Variants in RHBG observed in about 807,000 individuals in gnomAD.
RHBG encodes ammonium transporter Rh type B.
Under a neutral mutation model 40.1 loss-of-function variants are expected in RHBG, and 39 were observed. That is an observed-to-expected ratio of 0.97 (90% CI 0.75 to 1.27). The LOEUF (loss-of-function observed/expected upper bound fraction) is 1.27. Among genes scored for constraint, RHBG ranks in the 50% most tolerant of loss-of-function variants. The pLI is 0.00. For missense variants in RHBG, 549 were observed against 588.1 expected, an observed-to-expected ratio of 0.93 and a Z score of 0.69; for synonymous variants, 237 against 252.5, an observed-to-expected ratio of 0.94 and a Z score of 0.58.
Position 156,377,316 on chromosome 1 carries a change from A to G in RHBG, c.203A>G (p.His68Arg), listed in dbSNP as rs1477580233. The G allele has an allele frequency of 8.7e-6, 14 of 1,613,942 alleles. No homozygotes were observed. Among genetic ancestry groups the G allele is most frequent in the Non-Finnish European group, 1.2e-5 (14 of 1,179,916 alleles). Residue 68 changes from histidine (H) to arginine (R), a missense_variant, in exon 2 of 10, where the codon CAT (histidine) becomes CGT (arginine). Around this residue, in one of 3 missense-constraint regions of RHBG, gnomAD observed 51 missense variants for 85.9 expected, o/e 0.59. Transcript: ENST00000537040. The surrounding 1 kb of genome is among the most constrained non-coding windows in gnomAD (Gnocchi z 4.6). ...YFRYPSFQDV[H>R]AMVFVGFGFL... ...CCCGCTGCAGGCTTCCAGGACGTGC[A>G]TGCCATGGTCTTCGTGGGCTTTGGC...
intron 4 of RHBG, among the ~76,000 whole-genome samples, chr1:156,380,498 G>A (rs112479217): frequency 0.15 from 23,360 of 151,624 alleles, 1,850 homozygotes; most frequent in East Asian, 0.19. Context: ...TGAGGTGGGC[G>A]GATCACCTAA....
At chr1:156,376,734 A>T (rs1667231017) in intron 1 of RHBG, among the ~76,000 whole-genome samples, 1 of 152,196 alleles carries the variant, frequency 6.6e-6, no homozygotes, top group African/African-American at 2.4e-5. Flanking sequence ...TTAGGAGGCC[A>T]AAGTGGGAGG....
intron 5 of RHBG, 23 bp from the exon 6 acceptor site, chr1:156,381,783 C>T (rs1667655846): frequency 1.9e-6 from 3 of 1,572,872 alleles, no homozygotes; most frequent in Non-Finnish European, 2.6e-6. Context: ...GAAAGGGCCT[C>T]CAACACCTTG....
chr1:156,381,320 C>T (rs374281561), intron 4 of RHBG, 27 bp from the exon 5 acceptor site: 2 of 1,612,882 alleles, frequency 1.2e-6, no homozygotes, highest in Non-Finnish European at 1.7e-6. Flanking sequence ...TCCTTCTTCT[C>T]ACTCTGCCTG....
chr1:156,371,237 GC>G (rs1406132698), intron 1 of RHBG: 25 of 376,066 alleles, frequency 6.6e-5, no homozygotes, highest in Non-Finnish European at 1.1e-4. Context: ...TCGGCTCACT[GC>G]AACCTTCACC....
chr1:156,381,197 C>T (rs1557804193), intron 4 of RHBG, 150 bp from the exon 5 acceptor site: 4 of 832,402 alleles, frequency 4.8e-6, no homozygotes, highest in East Asian at 2.7e-5. Context: ...CCACCGTGCC[C>T]AGCCCAAGGT....
At chr1:156,384,312 G>A in intron 8 of RHBG, 1 of 638,498 alleles carries the variant, frequency 1.6e-6, no homozygotes, top group South Asian at 1.8e-5. Flanking sequence ...GCCTTGCAGG[G>A]TTGTTGTGAT....
intron 4 of RHBG, among the ~76,000 whole-genome samples, chr1:156,380,502 C>T (rs1237000249): frequency 6.6e-6 from 1 of 151,826 alleles, no homozygotes; most frequent in Admixed American, 6.6e-5. Flanking sequence ...GTGGGCGGAT[C>T]ACCTAAGGTC....
At position 156,382,761 on chromosome 1, in the gene RHBG, T is replaced by C. The variant is rs768276483; in HGVS notation, c.1126T>C (p.Phe376Leu). The C allele has an allele frequency of 6.2e-7, 1 of 1,614,198 alleles. No homozygotes were observed. The highest frequency in any genetic ancestry group is 1.3e-5 in the African/African-American group (1 of 75,056). Residue 376 changes from phenylalanine (F) to leucine (L), a missense_variant, in exon 8 of 10, where the codon TTT (phenylalanine) becomes CTT (leucine). Around this residue, in one of 3 missense-constraint regions of RHBG, gnomAD observed 399 missense variants for 417.0 expected, o/e 0.96. Coordinates refer to ENST00000537040, the MANE Select transcript of RHBG (RefSeq NM_020407.5). ...EAYGDGLESV[F>L]PLIAEGQRSA... The stretch of plus-strand genomic sequence containing the variant: ...GTCTCCCTGCAGCCTGGAGAGTGTG[T>C]TTCCACTCATAGCCGAGGGCCAGCG...
At position 156,377,330 on chromosome 1, in the gene RHBG, G is replaced by A. The variant is rs199927906; in HGVS notation, c.217G>A (p.Val73Met). 1.2e-3 allele frequency: 1,986 copies of A among 1,614,142 alleles called. 1 individual carries two copies. The highest frequency in any genetic ancestry group is 1.6e-3 in the Non-Finnish European group (1,879 of 1,179,982). ...SFQDVHAMVFVGFGFLMVFLQ... is the reference protein window; with the variant it reads ...SFQDVHAMVFMGFGFLMVFLQ... ...CCAGGACGTGCATGCCATGGTCTTCGTGGGCTTTGGCTTCCTCATGGTCTT... is the reference window on the plus strand; with the variant it reads ...CCAGGACGTGCATGCCATGGTCTTCATGGGCTTTGGCTTCCTCATGGTCTT... The change falls in exon 2 of 10, where the codon GTG (valine) becomes ATG (methionine). Residue 73 changes from valine to methionine, a missense_variant. Val to Met is a conservative substitution (Grantham distance 21). Around this residue, in one of 3 missense-constraint regions of RHBG, gnomAD observed 51 missense variants for 85.9 expected, o/e 0.59. Coordinates refer to ENST00000537040, the MANE Select transcript of RHBG (RefSeq NM_020407.5). The surrounding 1 kb of genome is among the most constrained non-coding windows in gnomAD (Gnocchi z 4.6).
chr1:156,381,330 G>C lies in RHBG; in HGVS notation c.674-17G>C. On this transcript the variant is annotated splice_polypyrimidine_tract_variant and intron_variant, in intron 4 of 9. Transcript: ENST00000537040. ...TCACTTCCTTCTTCTCACTCTGCCT[G>C]TCTGTCCACCATCTAGGGACCATCT... 6.2e-7 allele frequency: 1 copy of C among 1,613,696 alleles called. No individual in the cohort carries two copies. The highest frequency in any genetic ancestry group is 8.5e-7 in the Non-Finnish European group (1 of 1,179,952).
chr1:156,384,547 T>C lies in RHBG; in HGVS notation c.1255T>C (p.Phe419Leu), dbSNP rs1667911356. The change falls in exon 9 of 10, where the codon TTT (phenylalanine) becomes CTT (leucine). Residue 419 changes from phenylalanine to leucine, a missense_variant. Phe to Leu is a conservative substitution (Grantham distance 22). This residue lies in a region of RHBG where 399 missense variants were observed against 417.0 expected (regional missense o/e 0.96). Coordinates refer to ENST00000537040, the MANE Select transcript of RHBG (RefSeq NM_020407.5). ...GLGGLLLKLP[F>L]LDSPPDSQHY... The stretch of plus-strand genomic sequence containing the variant: ...ACCAGGGCTCCTGCTGAAGCTACCC[T>C]TTCTGGACTCCCCCCCAGACTCCCA... 6.4e-7 allele frequency: 1 copy of C among 1,552,992 alleles called. No individual in the cohort carries two copies. The highest frequency in any genetic ancestry group is 1.5e-5 in the African/African-American group (1 of 67,350).
chr1:156,376,283 C>T (rs1309115359), intron 1 of RHBG, among the ~76,000 whole-genome samples: 1 of 152,124 alleles, frequency 6.6e-6, no homozygotes, highest in African/African-American at 2.4e-5. Flanking sequence ...TGAAGTTGTG[C>T]AACACAGCAG....
At chr1:156,375,217 T>C (rs1667104206) in intron 1 of RHBG, among the ~76,000 whole-genome samples, 1 of 152,004 alleles carries the variant, frequency 6.6e-6, no homozygotes, top group South Asian at 2.1e-4. Flanking sequence ...GGATTACAGC[T>C]GTGCACCACC....
At chr1:156,378,772 C>T (rs1318956209) in intron 4 of RHBG, among the ~76,000 whole-genome samples, 4 of 152,168 alleles carry the variant, frequency 2.6e-5, no homozygotes, top group African/African-American at 9.7e-5. Flanking sequence ...CTGCCCTCAC[C>T]TCCAGGCCTT....
Position 156,369,256 on chromosome 1 carries a change from G to A in RHBG, c.7G>A (p.Gly3Arg), listed in dbSNP as rs201291978. 1.2e-6 allele frequency: 2 copies of A among 1,612,710 alleles called. No individual in the cohort carries two copies. Among genetic ancestry groups the A allele is most frequent in the Admixed American group, 1.7e-5 (1 of 59,942 alleles). ...CGAGATCGCAGCCCAACCCATGGCC[G>A]GGTCTCCTAGCCGCGCCGCGGGCCG... MA[G>R]SPSRAAGRRL... Residue 3 changes from glycine (G) to arginine (R), a missense_variant, in exon 1 of 10, where the codon GGG (glycine) becomes AGG (arginine). Gly to Arg is a moderately radical substitution (Grantham distance 125). Transcript: ENST00000537040.
chr1:156,369,234 G>A lies in RHBG; in HGVS notation c.-16G>A. 6.2e-7 allele frequency: 1 copy of A among 1,607,584 alleles called. No individual in the cohort carries two copies. The highest frequency in any genetic ancestry group is 1.1e-5 in the South Asian group (1 of 90,660). ...GCCAAAGCCTGCGAGCGCCAGCCGAGATCGCAGCCCAACCCATGGCCGGGT... is the reference window on the plus strand; with the variant it reads ...GCCAAAGCCTGCGAGCGCCAGCCGAAATCGCAGCCCAACCCATGGCCGGGT... On this transcript the variant is annotated 5_prime_UTR_variant, in exon 1 of 10. Coordinates refer to ENST00000537040, the MANE Select transcript of RHBG (RefSeq NM_020407.5).
rs140066954 is a variant in RHBG at position 156,381,943 on chromosome 1, G to A, written c.978G>A (p.Thr326=). ...CCACGCTGGGGTACAAGTTCTTCAC[G>A]GTATAGATGCCTCTTGGAGCCTGGG... ...TVSTLGYKFF[T]PILESKFKVQ... Residue 326 remains threonine (T), a splice_region_variant and synonymous_variant, in exon 6 of 10, where the codon ACG becomes ACA. Coordinates refer to ENST00000537040, the MANE Select transcript of RHBG (RefSeq NM_020407.5). The A allele has an allele frequency of 1.6e-5, 25 of 1,611,004 alleles. No individual in the cohort carries two copies. Among genetic ancestry groups the A allele is most frequent in the African/African-American group, 9.4e-5 (7 of 74,570 alleles).
rs1401667711 is a variant in RHBG, at chr1:156,384,822, G to A, written c.1354G>A (p.Glu452Lys). 4.3e-6 allele frequency: 7 copies of A among 1,613,312 alleles called. No homozygotes were observed. The Admixed American group carries it at 8.3e-5, about 19-fold the overall frequency. The change falls in exon 10 of 10, where the codon GAG becomes AAG. Residue 452 changes from glutamate (E) to lysine (K), a missense_variant. Physicochemically the swap from Glu to Lys is moderately conservative, Grantham distance 56. This residue lies in a region of RHBG where 399 missense variants were observed against 417.0 expected (regional missense o/e 0.96). Coordinates refer to ENST00000537040, the MANE Select transcript of RHBG (RefSeq NM_020407.5). ...TAAAGCCCAGAGACCTCTGAGGGTG[G>A]AGGAGGCAGACACTCAGGCCTAACC... ...EDKAQRPLRV[E>K]EADTQA
Sources: gnomAD v4.1 joint callset for allele counts (sites outside exome capture counted in the v4.1 genomes callset) on GRCh38, gnomAD v4.1.1 for gene constraint, gnomAD v4.1.1 regional missense constraint, Gnocchi (gnomAD v3.1) non-coding constraint, MANE v1.5 for transcripts, NCBI Gene and HGNC (gene_info 2026-07-23, HGNC 2026-07-21) for gene names.